The following DACT3 variants were observed in gnomAD, a reference collection of about 807,000 sequenced individuals.
DACT3 encodes the protein dishevelled binding antagonist of beta catenin 3, also known as dapper homolog 3.
DACT3 carries 5 observed loss-of-function variants against 19.6 expected under a neutral mutation model. The ratio of observed to expected loss-of-function variants is 0.26; its 90% CI spans 0.13 to 0.54. DACT3 has a LOEUF of 0.54. DACT3 is among the 20% of genes least tolerant of loss of function. The probability of loss-of-function intolerance (pLI) is 0.95; values close to 1 mark genes in which losing one functional copy is unlikely to be tolerated. For synonymous variants in DACT3, 454 were observed against 428.1 expected, an observed-to-expected ratio of 1.06 and a Z score of -0.75; for missense variants, 908 against 927.4, an observed-to-expected ratio of 0.98 and a Z score of 0.27.
rs778859545 is a variant in DACT3, at chr19:46,661,082, C to T, written c.-18G>A. On this transcript the variant is annotated 5_prime_UTR_variant, in exon 1 of 4. Coordinates refer to ENST00000391916, the MANE Select transcript of DACT3 (RefSeq NM_145056.3). ...CGGATCATGGCTGCGGCCCCCCGCC[C>T]CAGCCCGGCCGGGCCCCGCGGCCAC... The T allele has an allele frequency of 1.4e-6, 2 of 1,415,440 alleles. No homozygotes were observed. Among genetic ancestry groups the T allele is most frequent in the South Asian group, 3.0e-5 (2 of 67,662 alleles). The allele number at this position is 1,415,440 out of a possible 1,614,324, so 87.7% of individuals were successfully genotyped here.
At chr19:46,652,866 G>C in intron 2 of DACT3, 54 bp from the exon 3 acceptor site, 3 of 1,540,788 alleles carry the variant, frequency 1.9e-6, no homozygotes, top group Non-Finnish European at 2.6e-6. Flanking sequence ...GGGAAAACCA[G>C]AGCTGGGGAA....
chr19:46,650,060 C>T, intron 3 of DACT3, 188 bp from the exon 4 acceptor site: 1 of 567,604 alleles, frequency 1.8e-6, no homozygotes, highest in Non-Finnish European at 2.6e-6. Flanking sequence ...CAGGGTCCTA[C>T]AAGACCCTGC....
intron 1 of DACT3, among the ~76,000 whole-genome samples, chr19:46,655,946 T>TAC (rs1568698971): frequency 7.2e-6 from 1 of 138,264 alleles, no homozygotes; most frequent in Non-Finnish European, 1.6e-5. Context: ...TATATATATA[T>TAC]ACACAAACAC....
intron 1 of DACT3, chr19:46,654,819 C>T: frequency 1.0e-6 from 1 of 984,502 alleles, no homozygotes; most frequent in Non-Finnish European, 1.2e-6. Context: ...CCGGCAGCCA[C>T]AACCCCCCCG....
At chr19:46,659,576 A>C in intron 1 of DACT3, 1 of 350,978 alleles carries the variant, frequency 2.8e-6, no homozygotes, top group Non-Finnish European at 4.0e-6. Context: ...CCAGAAAAGA[A>C]TGTGCAGGGG....
Position 46,648,571 on chromosome 19 carries a change from CTT to C in DACT3, c.1799_1800del (p.Lys600SerfsTer97). The C allele has an allele frequency of 6.2e-7, 1 of 1,613,868 alleles. No homozygotes were observed. The highest frequency in any genetic ancestry group is 8.5e-7 in the Non-Finnish European group (1 of 1,179,838). On this transcript the variant is annotated frameshift_variant, in exon 4 of 4. Transcript: ENST00000391916. LOFTEE classifies it high-confidence loss of function. The surrounding 1 kb of genome is among the most constrained non-coding windows in gnomAD (Gnocchi z 5.1). ...TGGGAAGCTTTGATTTTCACGAAGA[CTT>C]TGGCGGGGCCTGCGGGCGCCCCTGC... ...AGAGAPAGPA[K>X]VFVKIKASHA...
chr19:46,653,142 C>T, intron 1 of DACT3, 67 bp from the exon 2 acceptor site: 1 of 1,535,128 alleles, frequency 6.5e-7, no homozygotes, highest in Non-Finnish European at 8.8e-7. Context: ...TCCCCTATTC[C>T]ACGAGCTCAT....
At position 46,648,369 on chromosome 19, in the gene DACT3, T is replaced by A. The variant is rs752566200; in HGVS notation, c.*113A>T. On this transcript the variant is annotated 3_prime_UTR_variant, in exon 4 of 4. Transcript: ENST00000391916. This position sits in a 1 kb window ranked among gnomAD's most constrained non-coding sequence, Gnocchi z 5.1. ...TTAGGAGTGGGGAGAGTGAGGGGGG[T>A]CTTTGGAAGCAGAGAAAACGATGGT... 23 of 1,537,950 alleles carry A rather than the reference T, an allele frequency of 1.5e-5. No individual in the cohort carries two copies. Among genetic ancestry groups the A allele is most frequent in the Non-Finnish European group, 2.0e-5 (23 of 1,133,888 alleles).
intron 1 of DACT3, among the ~76,000 whole-genome samples, chr19:46,655,925 C>CTCTCTCTCTCTCTCTCTCTATATATA (rs980735397): frequency 2.9e-5 from 4 of 137,896 alleles, no homozygotes; most frequent in African/African-American, 1.1e-4. Flanking sequence ...CTCTCTCTCT[C>CTCTCTCTCTCTCTCTCTCTATATATA]TATATATATA....
chr19:46,649,629 G>A lies in DACT3; in HGVS notation c.743C>T (p.Pro248Leu). The change falls in exon 4 of 4, where the codon CCC becomes CTC. Residue 248 changes from proline (P) to leucine (L), a missense_variant. Physicochemically the swap from Pro to Leu is moderately conservative, Grantham distance 98. Coordinates refer to ENST00000391916, the MANE Select transcript of DACT3 (RefSeq NM_145056.3). Reference protein sequence around the residue: ...DSPDAGGAGRPLDGYISALLR... With the variant: ...DSPDAGGAGRLLDGYISALLR... ...GAGCGCCGAGATGTAGCCGTCCAGG[G>A]GCCGCCCTGCGCCCCCCGCGTCGGG... The A allele has an allele frequency of 8.8e-7, 1 of 1,133,692 alleles. No homozygotes were observed. The highest frequency in any genetic ancestry group is 1.1e-6 in the Non-Finnish European group (1 of 926,736). 70.2% of individuals were successfully genotyped at this position (1,133,692 alleles called of 1,614,324 possible).
chr19:46,651,899 T>G (rs1288408495), intron 3 of DACT3: 3 of 151,914 alleles, frequency 2.0e-5, no homozygotes, highest in Admixed American at 6.6e-5. Flanking sequence ...TTATATTTAT[T>G]TATTTATTTT....
At chr19:46,652,370 A>G (rs1412989331) in intron 3 of DACT3, 5 of 443,734 alleles carry the variant, frequency 1.1e-5, no homozygotes, top group Non-Finnish European at 2.0e-5. Context: ...ATTTTTGTAT[A>G]GACGGGGTTT....
chr19:46,653,539 TTTTA>T (rs113003822), intron 1 of DACT3, among the ~76,000 whole-genome samples: 49 of 141,218 alleles, frequency 3.5e-4, no homozygotes, highest in African/African-American at 9.8e-4. Context: ...CTTTTTTTAT[TTTTA>T]TTTATTTATT....
chr19:46,654,952 T>C (rs1338243021), intron 1 of DACT3: 3 of 985,154 alleles, frequency 3.0e-6, no homozygotes, highest in Non-Finnish European at 3.6e-6. Context: ...GCCCTGGGTA[T>C]ATTGAGATGC....
At position 46,649,553 on chromosome 19, in the gene DACT3, C is replaced by G. The variant is rs2052959090; in HGVS notation, c.819G>C (p.Gly273=). The change falls in exon 4 of 4, where the codon GGG becomes GGC. Residue 273 remains glycine (G), a synonymous_variant. Transcript: ENST00000391916. The part of the protein sequence containing the change: ...RGAGQPRTSP[G]GADGGPRRQN... ...GGCGCCGCGGGCCGCCGTCCGCGCCCCCGGGACTGGTCCGGGGCTGGCCCG... is the reference window on the plus strand; with the variant it reads ...GGCGCCGCGGGCCGCCGTCCGCGCCGCCGGGACTGGTCCGGGGCTGGCCCG... 1 of 1,051,564 alleles carries G rather than the reference C, an allele frequency of 9.5e-7. No homozygotes were observed. Among genetic ancestry groups the G allele is most frequent in the Non-Finnish European group, 1.1e-6 (1 of 875,016 alleles). 65.1% of individuals were successfully genotyped at this position (1,051,564 alleles called of 1,614,324 possible).
At chr19:46,659,781 C>T (rs989365729) in intron 1 of DACT3, among the ~76,000 whole-genome samples, 1 of 150,918 alleles carries the variant, frequency 6.6e-6, no homozygotes, top group Non-Finnish European at 1.5e-5. Flanking sequence ...TGGGGATCTG[C>T]CGTGGAGCCA....
At chr19:46,659,107 C>T (rs1283032558) in intron 1 of DACT3, 2 of 984,792 alleles carry the variant, frequency 2.0e-6, no homozygotes, top group Non-Finnish European at 2.4e-6. Flanking sequence ...AAGCCCTAAT[C>T]CACTCTTCAG....
chr19:46,657,071 G>T (rs1258502284), intron 1 of DACT3, among the ~76,000 whole-genome samples: 1 of 152,200 alleles, frequency 6.6e-6, no homozygotes, highest in East Asian at 1.9e-4. Flanking sequence ...TAGGAGATAT[G>T]TTGGAAGAGG....
At chr19:46,650,054 G>T (rs986481529) in intron 3 of DACT3, 182 bp from the exon 4 acceptor site, 1 of 645,086 alleles carries the variant, frequency 1.6e-6, no homozygotes, top group Middle Eastern at 4.9e-4. Flanking sequence ...TCTTTACAGG[G>T]TCCTACAAGA....
Sources: allele counts gnomAD v4.1 joint callset (sites outside exome capture counted in the v4.1 genomes callset), GRCh38; gene constraint gnomAD v4.1.1; non-coding constraint Gnocchi (gnomAD v3.1); transcripts MANE v1.5; gene names NCBI Gene and HGNC (gene_info 2026-07-23, HGNC 2026-07-21).